GPHN: variants seen among roughly 807,000 people sequenced by gnomAD.
GPHN encodes the protein gephyrin.
Under a neutral mutation model 95.5 loss-of-function variants are expected in GPHN, and 17 were observed. That is an observed-to-expected ratio of 0.18 (90% CI 0.12 to 0.27). The LOEUF (loss-of-function observed/expected upper bound fraction) is 0.27. Among genes scored for constraint, GPHN ranks in the 10% least tolerant of loss-of-function variants. GPHN has a pLI of 1.00. For missense variants in GPHN, 660 were observed against 978.1 expected, an observed-to-expected ratio of 0.67 and a Z score of 4.34; for synonymous variants, 320 against 322.5, an observed-to-expected ratio of 0.99 and a Z score of 0.08.
At chr14:67,014,673 A>G (rs1280985180) in intron 9 of GPHN, among the ~76,000 whole-genome samples, 2 of 152,192 alleles carry the variant, frequency 1.3e-5, no homozygotes, top group East Asian at 1.9e-4. Context: ...AATAATTCCT[A>G]CCTTCTAACC....
intron 1 of GPHN, among the ~76,000 whole-genome samples, chr14:66,511,491 A>T (rs895613687): frequency 6.6e-6 from 1 of 152,114 alleles, no homozygotes; most frequent in Non-Finnish European, 1.5e-5. Context: ...ACCCACACAC[A>T]CATTTTACAA....
At chr14:66,684,785 T>C (rs1462867585) in intron 2 of GPHN, among the ~76,000 whole-genome samples, 1 of 151,880 alleles carries the variant, frequency 6.6e-6, no homozygotes, top group Non-Finnish European at 1.5e-5. Flanking sequence ...AGTTCTAGGG[T>C]GCATGTGCAC....
At chr14:66,522,760 T>C (rs1003680895) in intron 1 of GPHN, among the ~76,000 whole-genome samples, 1 of 151,222 alleles carries the variant, frequency 6.6e-6, no homozygotes, top group South Asian at 2.1e-4. Context: ...TTAAAATATA[T>C]AATTTTTTTT....
chr14:67,529,910 T>C, the GPHN span, among the ~76,000 whole-genome samples: 1 of 152,116 alleles, frequency 6.6e-6, no homozygotes, highest in Non-Finnish European at 1.5e-5. Context: ...CAACAGTAAC[T>C]GAGAACCAGG....
intron 1 of GPHN, among the ~76,000 whole-genome samples, chr14:66,612,630 C>T (rs1446968322): frequency 6.6e-6 from 1 of 152,010 alleles, no homozygotes; most frequent in Non-Finnish European, 1.5e-5. Flanking sequence ...ACAATTACGA[C>T]AATTAAGTAA....
chr14:67,718,398 G>T, the GPHN span, among the ~76,000 whole-genome samples: 1 of 152,200 alleles, frequency 6.6e-6, no homozygotes, highest in Non-Finnish European at 1.5e-5. Context: ...CCAGGACAGG[G>T]ATAACCAGGA....
chr14:66,540,808 C>G (rs1641104432), intron 1 of GPHN, among the ~76,000 whole-genome samples: 1 of 152,190 alleles, frequency 6.6e-6, no homozygotes, highest in South Asian at 2.1e-4. Flanking sequence ...GAGTCTTGCA[C>G]TGTTGTCCAG....
At chr14:66,626,041 G>A (rs2063514172) in intron 1 of GPHN, among the ~76,000 whole-genome samples, 1 of 152,144 alleles carries the variant, frequency 6.6e-6, no homozygotes, top group East Asian at 1.9e-4. Flanking sequence ...TACCTGAATG[G>A]TGTAAACTTG....
the GPHN span, among the ~76,000 whole-genome samples, chr14:67,733,549 A>G: frequency 6.6e-6 from 1 of 152,224 alleles, no homozygotes; most frequent in African/African-American, 2.4e-5. Context: ...GAATATATTA[A>G]TAAATAAGCC....
chr14:66,739,186 C>G (rs1158673317), intron 2 of GPHN, among the ~76,000 whole-genome samples: 1 of 150,140 alleles, frequency 6.7e-6, no homozygotes, highest in African/African-American at 2.5e-5. Flanking sequence ...ATTGTCTGCA[C>G]TGTATAAAAA....
chr14:66,737,643 G>C (rs1322538737), intron 2 of GPHN, among the ~76,000 whole-genome samples: 1 of 152,150 alleles, frequency 6.6e-6, no homozygotes. Context: ...TAATACCAAG[G>C]CTGTAGGCCA....
chr14:67,632,480 G>A, the GPHN span, among the ~76,000 whole-genome samples: 3 of 152,164 alleles, frequency 2.0e-5, no homozygotes, highest in East Asian at 3.9e-4. Flanking sequence ...TGGCCACCCA[G>A]AGGGGAAACA....
At chr14:66,805,015 C>A (rs1176061640) in intron 3 of GPHN, among the ~76,000 whole-genome samples, 2 of 152,120 alleles carry the variant, frequency 1.3e-5, no homozygotes, top group African/African-American at 4.8e-5. Flanking sequence ...CATTTTAATT[C>A]TCTGTATTAG....
chr14:67,605,413 T>C, the GPHN span, among the ~76,000 whole-genome samples: 1 of 152,204 alleles, frequency 6.6e-6, no homozygotes, highest in African/African-American at 2.4e-5. Flanking sequence ...TAGAGTCCAT[T>C]GGCACAAATA....
At chr14:67,394,544 C>T in the GPHN span, among the ~76,000 whole-genome samples, 1 of 152,152 alleles carries the variant, frequency 6.6e-6, no homozygotes, top group African/African-American at 2.4e-5. Context: ...AGCTGATCCT[C>T]CCTGCACCCA....
intron 5 of GPHN, among the ~76,000 whole-genome samples, chr14:66,895,062 T>C (rs1186667441): frequency 1.3e-5 from 2 of 152,218 alleles, no homozygotes; most frequent in Non-Finnish European, 2.9e-5. Flanking sequence ...TGCACACATA[T>C]GTTTATTGCG....
the GPHN span, among the ~76,000 whole-genome samples, chr14:67,513,989 C>T: frequency 4.6e-5 from 7 of 152,184 alleles, no homozygotes; most frequent in Non-Finnish European, 8.8e-5. Context: ...CCCTTGATCC[C>T]TCTTCCTGGT....
At chr14:67,073,553 A>C (rs2076387082) in intron 11 of GPHN, among the ~76,000 whole-genome samples, 1 of 152,208 alleles carries the variant, frequency 6.6e-6, no homozygotes, top group African/African-American at 2.4e-5. Context: ...TGTTTTATAC[A>C]TAGAAATGAA....
At chr14:66,548,519 CATATA>C (rs2059690730) in intron 1 of GPHN, among the ~76,000 whole-genome samples, 1 of 152,170 alleles carries the variant, frequency 6.6e-6, no homozygotes, top group Admixed American at 6.5e-5. Context: ...GAACTGTGTC[CATATA>C]ATATGGTGAA....
Sources: gnomAD v4.1 joint callset for allele counts (sites outside exome capture counted in the v4.1 genomes callset) on GRCh38, gnomAD v4.1.1 for gene constraint, MANE v1.5 for transcripts, NCBI Gene and HGNC (gene_info 2026-07-23, HGNC 2026-07-21) for gene names.